The following GLB1 variants were observed in gnomAD, a reference collection of about 807,000 sequenced individuals.
The protein encoded by GLB1 is beta-galactosidase.
Under a neutral mutation model 74.0 loss-of-function variants are expected in GLB1, and 56 were observed. The observed-to-expected ratio is 0.76, with a 90% confidence interval of 0.61 to 0.94. The LOEUF (loss-of-function observed/expected upper bound fraction) is 0.94. Ranked by LOEUF, GLB1 falls within the 40% of genes least tolerant of loss-of-function variation. The probability of loss-of-function intolerance (pLI) is 0.00; values close to 1 mark genes in which losing one functional copy is unlikely to be tolerated. For synonymous variants in GLB1, 323 were observed against 323.6 expected (o/e 1.00, Z 0.02); for missense variants, 787 against 845.5 (o/e 0.93, Z 0.86).
chr3:33,059,188 G>A (rs1699343618), intron 5 of GLB1, among the ~76,000 whole-genome samples: 3 of 151,166 alleles, frequency 2.0e-5, no homozygotes, highest in African/African-American at 7.3e-5. Flanking sequence ...ATCCCCAAGG[G>A]GGTAAAAATT....
At chr3:33,028,891 T>C (rs1314630691) in intron 10 of GLB1, among the ~76,000 whole-genome samples, 1 of 152,094 alleles carries the variant, frequency 6.6e-6, no homozygotes, top group African/African-American at 2.4e-5. Flanking sequence ...GGTCTCAAAC[T>C]CCTGACCTCA....
intron 2 of GLB1, 50 bp downstream of exon 2, chr3:33,072,494 C>G: frequency 3.1e-6 from 5 of 1,611,284 alleles, no homozygotes; most frequent in Non-Finnish European, 4.2e-6. Context: ...TATCTTCTCT[C>G]CAGAGTGGGT....
At chr3:32,968,794 T>C in the GLB1 span, among the ~76,000 whole-genome samples, 3 of 152,192 alleles carry the variant, frequency 2.0e-5, no homozygotes, top group African/African-American at 7.2e-5. Flanking sequence ...TTTCTTCTTG[T>C]ATGTCCACAA....
chr3:33,025,559 G>A (rs1365474662), intron 10 of GLB1, among the ~76,000 whole-genome samples: 1 of 151,704 alleles, frequency 6.6e-6, no homozygotes, highest in Non-Finnish European at 1.5e-5. Flanking sequence ...TGGCAGCATC[G>A]CCTCTTTGTA....
intron 1 of GLB1, among the ~76,000 whole-genome samples, chr3:33,076,820 T>C (rs1345917804): frequency 1.3e-5 from 2 of 152,230 alleles, no homozygotes; most frequent in East Asian, 3.8e-4. Context: ...TGAAAAGTGA[T>C]AAATACAGAG....
At chr3:33,096,982 C>T (rs765255577) in intron 1 of GLB1, 29 bp downstream of exon 1, 3 of 1,609,106 alleles carry the variant, frequency 1.9e-6, no homozygotes, top group Non-Finnish European at 8.5e-7. Flanking sequence ...CTAGCAATGC[C>T]TCCCCGTACC....
At chr3:33,022,503 G>A (rs1437927470) in intron 11 of GLB1, among the ~76,000 whole-genome samples, 1 of 148,858 alleles carries the variant, frequency 6.7e-6, no homozygotes, top group Non-Finnish European at 1.5e-5. Flanking sequence ...ACAGAGCCAG[G>A]ATTTGTAGTT....
At chr3:32,984,757 C>T in the GLB1 span, among the ~76,000 whole-genome samples, 4 of 151,976 alleles carry the variant, frequency 2.6e-5, no homozygotes, top group African/African-American at 4.8e-5. Context: ...TCCTGGCTAA[C>T]ACAGTGAAAC....
chr3:33,086,663 G>C (rs898888133), intron 1 of GLB1, among the ~76,000 whole-genome samples: 2 of 152,172 alleles, frequency 1.3e-5, no homozygotes, highest in African/African-American at 4.8e-5. Context: ...AACCTTTAGA[G>C]AGCTTTAGCT....
intron 6 of GLB1, 75 bp downstream of exon 6, chr3:33,058,014 C>T: frequency 7.0e-6 from 11 of 1,582,542 alleles, no homozygotes; most frequent in South Asian, 1.1e-5. Flanking sequence ...ACACTTATAA[C>T]AACAGCTGCC....
rs367936213 is a variant in GLB1 at position 33,065,420 on chromosome 3, G to A, written c.552+43C>T. ...ATCATTTATGTAATGTAGATGGATG[G>A]GAACCCCTCCCCCAATCCATCCATG... is the stretch of plus-strand genomic sequence containing the variant. On this transcript the variant is annotated intron_variant, in intron 5 of 15. Transcript: ENST00000307363. 30 of 1,552,434 alleles carry A rather than the reference G, an allele frequency of 1.9e-5. No individual in the cohort carries two copies. The African/African-American group carries it at 2.9e-4, about 15-fold the overall frequency.
At chr3:33,033,778 CAAAAAAA>C in intron 10 of GLB1, 16 of 179,790 alleles carry the variant, frequency 8.9e-5, no homozygotes, top group South Asian at 3.1e-4. Flanking sequence ...GAGACTGTCT[CAAAAAAA>C]AAAAAAAAAA....
chr3:32,974,387 C>T, the GLB1 span, among the ~76,000 whole-genome samples: 1 of 152,076 alleles, frequency 6.6e-6, no homozygotes, highest in Non-Finnish European at 1.5e-5. Flanking sequence ...TATTAGGGTT[C>T]TCCAGAGAAT....
chr3:33,035,329 G>A (rs762989897), intron 10 of GLB1, among the ~76,000 whole-genome samples: 17 of 152,090 alleles, frequency 1.1e-4, no homozygotes, highest in Non-Finnish European at 2.2e-4. Flanking sequence ...CTGCTCAGGA[G>A]GCTGAGGCAG....
intron 12 of GLB1, among the ~76,000 whole-genome samples, chr3:33,019,546 G>A (rs906342223): frequency 6.6e-6 from 1 of 152,122 alleles, no homozygotes; most frequent in East Asian, 1.9e-4. Flanking sequence ...AGGTGACTGG[G>A]AGGAGCTGAG....
rs531205953 is a variant in GLB1 at position 33,073,545 on chromosome 3, G to A, written c.76-832C>T. Among the ~76,000 whole-genome samples, 139 of 152,028 alleles carry A rather than the reference G, an allele frequency of 9.1e-4. 1 individual carries two copies. Among genetic ancestry groups the A allele is most frequent in the Admixed American group, 2.2e-3 (34 of 15,268 alleles). On this transcript the variant is annotated intron_variant, in intron 1 of 15. Coordinates refer to ENST00000307363, the MANE Select transcript of GLB1 (RefSeq NM_000404.4). ...TCTACCAAAAATACAAAAATTAGCC[G>A]GGCATGGTGGTGCACGTCTATAATC...
intron 1 of GLB1, among the ~76,000 whole-genome samples, chr3:33,095,085 C>T (rs1700953730): frequency 6.6e-6 from 1 of 151,862 alleles, no homozygotes; most frequent in African/African-American, 2.4e-5. Context: ...GTGGTGGATG[C>T]ATGTAATCCC....
intron 1 of GLB1, among the ~76,000 whole-genome samples, chr3:33,077,863 A>G (rs1227393853): frequency 2.0e-5 from 3 of 152,052 alleles, no homozygotes; most frequent in Non-Finnish European, 4.4e-5. Flanking sequence ...AAAAAAACAT[A>G]AAAATCCTTG....
intron 15 of GLB1, among the ~76,000 whole-genome samples, chr3:33,000,687 A>C (rs910436345): frequency 1.3e-5 from 2 of 152,196 alleles, no homozygotes; most frequent in Non-Finnish European, 2.9e-5. Context: ...AGATTGCACC[A>C]CTGCACTCCA....
Sources: allele counts gnomAD v4.1 joint callset (sites outside exome capture counted in the v4.1 genomes callset), GRCh38; gene constraint gnomAD v4.1.1; transcripts MANE v1.5; gene names NCBI Gene and HGNC (gene_info 2026-07-23, HGNC 2026-07-21).